The following PPP1R15B variants were observed in gnomAD, a reference collection of about 807,000 sequenced individuals.
The protein encoded by PPP1R15B is protein phosphatase 1 regulatory subunit 15B.
In PPP1R15B, 31 loss-of-function variants were observed where a neutral mutation model predicts 53.9. That is an observed-to-expected ratio of 0.58 (90% confidence interval 0.43 to 0.78). PPP1R15B has a LOEUF of 0.78. Ranked by LOEUF, PPP1R15B falls within the 30% of genes least tolerant of loss-of-function variation. PPP1R15B has a pLI of 0.00. For missense variants in PPP1R15B, 928 were observed against 849.6 expected, an observed-to-expected ratio of 1.09 and a Z score of -1.15; for synonymous variants, 345 against 329.1, an observed-to-expected ratio of 1.05 and a Z score of -0.52.
intron 1 of PPP1R15B, 82 bp downstream of exon 1, chr1:204,409,410 A>G: frequency 6.8e-7 from 1 of 1,465,340 alleles, no homozygotes; most frequent in Admixed American, 2.2e-5. Context: ...TGCACTCCTA[A>G]GCCTCCAAAG....
rs1271757319 is a variant in PPP1R15B at position 204,405,315 on chromosome 1, T to G, written c.*777A>C. On this transcript the variant is annotated 3_prime_UTR_variant, in exon 2 of 2. Transcript: ENST00000367188. The stretch of plus-strand genomic sequence containing the variant: ...TGTTAAGAGATACAAAGAACTATAT[T>G]AAACTGGGAACTACAATAACGTACA... 1.0e-6 allele frequency: 1 copy of G among 979,702 alleles called. No homozygotes were observed. Among genetic ancestry groups the G allele is most frequent in the Non-Finnish European group, 1.2e-6 (1 of 824,696 alleles). The allele number at this position is 979,702 out of a possible 1,614,324, so 60.7% of individuals were successfully genotyped here. A position where few individuals can be genotyped will look rare whatever the true frequency, so the allele number is the denominator to read the frequency against.
chr1:204,401,865 G>A (rs544178346), downstream of PPP1R15B, among the ~76,000 whole-genome samples: 2 of 152,266 alleles, frequency 1.3e-5, no homozygotes, highest in South Asian at 2.1e-4. Flanking sequence ...AGGCTGTTGA[G>A]GCTACAGTGA....
Position 204,408,418 on chromosome 1 carries a change from T to G in PPP1R15B, c.1920+1074A>C, listed in dbSNP as rs544065130. On this transcript the variant is annotated intron_variant, in intron 1 of 1. Transcript: ENST00000367188. The stretch of plus-strand genomic sequence containing the variant: ...TCTGCCCTAAAGGTAAGACGTAAGA[T>G]TATCACCATTTTGAGACATTTTCTA... 3.9e-5 allele frequency among the ~76,000 whole-genome samples: 6 copies of G among 152,338 alleles called. No individual in the cohort carries two copies. In the South Asian group the frequency reaches 1.2e-3, roughly 32 times the overall value.
At chr1:204,406,718 C>T (rs1674270778) in intron 1 of PPP1R15B, among the ~76,000 whole-genome samples, 1 of 150,870 alleles carries the variant, frequency 6.6e-6, no homozygotes, top group African/African-American at 2.4e-5. Context: ...CGCCACTACA[C>T]TCTAGCCTGT....
chr1:204,408,365 C>T (rs1257678777), intron 1 of PPP1R15B, among the ~76,000 whole-genome samples: 2 of 152,194 alleles, frequency 1.3e-5, no homozygotes, highest in East Asian at 3.8e-4. Flanking sequence ...AAAGTGTGAA[C>T]TAAAATTTAA....
Position 204,404,731 on chromosome 1 carries a change from A to G in PPP1R15B, c.*1361T>C, listed in dbSNP as rs2103443084. The G allele has an allele frequency of 1.0e-6, 1 of 985,848 alleles. No homozygotes were observed. The highest frequency in any genetic ancestry group is 1.2e-6 in the Non-Finnish European group (1 of 829,892). The allele number at this position is 985,848 out of a possible 1,614,324, so 61.1% of individuals were successfully genotyped here. ...TAAGTTCAAAACTAAGAGGTCACCT[A>G]TTCTACTTATGTTTTCCATTACCTG... is the stretch of plus-strand genomic sequence containing the variant. On this transcript the variant is annotated 3_prime_UTR_variant, in exon 2 of 2. Transcript: ENST00000367188.
chr1:204,402,811 C>T (rs7549508), downstream of PPP1R15B, among the ~76,000 whole-genome samples: 592 of 152,012 alleles, frequency 3.9e-3, 5 homozygotes, highest in African/African-American at 0.014. Context: ...CGGTGGCTCA[C>T]GCCTGTAATC....
downstream of PPP1R15B, chr1:204,403,350 CATATA>C (rs1260717739): frequency 3.4e-5 from 20 of 581,122 alleles, 1 homozygote; most frequent in Admixed American, 5.7e-4. Context: ...TACTATGATA[CATATA>C]ATATAAAGTT....
At chr1:204,400,485 T>C (rs1674157728), downstream of PPP1R15B, among the ~76,000 whole-genome samples, 1 of 92,582 alleles carries the variant, frequency 1.1e-5, no homozygotes, top group East Asian at 2.4e-4. Context: ...AATTTCTTTT[T>C]CTTTTTTTTT....
At chr1:204,397,836 C>T (rs1302004242), downstream of PPP1R15B, among the ~76,000 whole-genome samples, 3 of 151,924 alleles carry the variant, frequency 2.0e-5, no homozygotes, top group Non-Finnish European at 2.9e-5. Context: ...GTCATGACGA[C>T]CTTACATCAA....
Position 204,410,412 on chromosome 1 carries a change from T to C in PPP1R15B, c.1000A>G (p.Met334Val). Residue 334 changes from methionine (M) to valine (V), a missense_variant, in exon 1 of 2, where the codon ATG becomes GTG. Physicochemically the swap from Met to Val is conservative, Grantham distance 21 (BLOSUM62 1). Coordinates refer to ENST00000367188, the MANE Select transcript of PPP1R15B (RefSeq NM_032833.5). ...SLEEEHSLLRMDPKHCRDNPT... is the reference protein window; with the variant it reads ...SLEEEHSLLRVDPKHCRDNPT... ...TTATCTCTGCAGTGTTTTGGATCCA[T>C]CCGGAGAAGGCTGTGTTCCTCCTCC... The C allele has an allele frequency of 6.2e-7, 1 of 1,614,200 alleles. No homozygotes were observed. The highest frequency in any genetic ancestry group is 1.3e-5 in the African/African-American group (1 of 75,056).
At chr1:204,401,340 A>T (rs1674176143), downstream of PPP1R15B, among the ~76,000 whole-genome samples, 1 of 152,228 alleles carries the variant, frequency 6.6e-6, no homozygotes, top group Non-Finnish European at 1.5e-5. Flanking sequence ...GTCTCGCTGG[A>T]GCACATCCAG....
Position 204,409,634 on chromosome 1 carries a change from T to A in PPP1R15B, c.1778A>T (p.Glu593Val). 1 of 1,614,148 alleles carries A rather than the reference T, an allele frequency of 6.2e-7. No homozygotes were observed. The highest frequency in any genetic ancestry group is 8.5e-7 in the Non-Finnish European group (1 of 1,180,022). Residue 593 changes from glutamate (E) to valine (V), a missense_variant, in exon 1 of 2, where the codon GAG becomes GTG. Physicochemically the swap from Glu to Val is moderately radical, Grantham distance 121. Transcript: ENST00000367188. ...ACACTCAGAAATGGCCACAATGGAC[T>A]CAGATGGGGTCTTTGAGTCACGACA... ...KGCRDSKTPS[E>V]SIVAISECHT...
chr1:204,403,852 T>C lies in PPP1R15B; in HGVS notation c.*2240A>G. On this transcript the variant is annotated 3_prime_UTR_variant, in exon 2 of 2. Coordinates refer to ENST00000367188, the MANE Select transcript of PPP1R15B (RefSeq NM_032833.5). ...GTCCTTTCTGTCCTTCTTATCACCT[T>C]CTGATCACTTCTTCCAAGGAGGCTA... 1.0e-6 allele frequency: 1 copy of C among 985,812 alleles called. No individual in the cohort carries two copies. Among genetic ancestry groups the C allele is most frequent in the Non-Finnish European group, 1.2e-6 (1 of 829,914 alleles). The allele number at this position is 985,812 out of a possible 1,614,324, so 61.1% of individuals were successfully genotyped here. A position where few individuals can be genotyped will look rare whatever the true frequency, so the allele number is the denominator to read the frequency against.
chr1:204,409,408 T>C (rs1312335080), intron 1 of PPP1R15B, 84 bp downstream of exon 1: 1 of 1,462,758 alleles, frequency 6.8e-7, no homozygotes, highest in East Asian at 2.3e-5. Context: ...CATGCACTCC[T>C]AAGCCTCCAA....
chr1:204,411,202 G>T lies in PPP1R15B; in HGVS notation c.210C>A (p.Leu70=). Residue 70 remains leucine, a synonymous_variant, in exon 1 of 2, where the codon CTC becomes CTA. Transcript: ENST00000367188. ...VSYWTKLLSQ[L]LAPLPGLLQK... ...GAAGCAATCCGGGGAGCGGCGCAAG[G>T]AGCTGGGAGAGCAGTTTCGTCCAGT... 1 of 1,614,252 alleles carries T rather than the reference G, an allele frequency of 6.2e-7. No individual in the cohort carries two copies. The highest frequency in any genetic ancestry group is 8.5e-7 in the Non-Finnish European group (1 of 1,180,044).
At chr1:204,396,112 T>C (rs1674097530), downstream of PPP1R15B, among the ~76,000 whole-genome samples, 1 of 152,090 alleles carries the variant, frequency 6.6e-6, no homozygotes, top group South Asian at 2.1e-4. Context: ...ACAGCACAGA[T>C]GAATCTCAAA....
In PPP1R15B at chr1:204,409,733, C is replaced by G. The variant is rs1390125128; in HGVS notation, c.1679G>C (p.Cys560Ser). 1.9e-6 allele frequency: 3 copies of G among 1,614,148 alleles called. No homozygotes were observed. Among genetic ancestry groups the G allele is most frequent in the East Asian group, 2.2e-5 (1 of 44,884 alleles). Residue 560 changes from cysteine to serine, a missense_variant, in exon 1 of 2, where the codon TGT becomes TCT. Transcript: ENST00000367188. The stretch of plus-strand genomic sequence containing the variant: ...AGGGTTGTAGGGGTCATCAGAATTA[C>G]AGAATGAGTTCCACAGTTTGAGACT... The part of the protein sequence containing the change: ...AESLKLWNSF[C>S]NSDDPYNPLN...
chr1:204,409,158 T>C (rs1273368831), intron 1 of PPP1R15B, among the ~76,000 whole-genome samples: 1 of 152,190 alleles, frequency 6.6e-6, no homozygotes, highest in Admixed American at 6.5e-5. Flanking sequence ...AATTAAATCG[T>C]GTACACACAA....
Sources: gnomAD v4.1 joint callset for allele counts (sites outside exome capture counted in the v4.1 genomes callset) on GRCh38, gnomAD v4.1.1 for gene constraint, MANE v1.5 for transcripts, NCBI Gene and HGNC (gene_info 2026-07-23, HGNC 2026-07-21) for gene names.